The following CAPN10 variants were observed in gnomAD, a reference collection of about 807,000 sequenced individuals.
CAPN10 encodes the protein calpain 10, also known as calpain-10.
In CAPN10, 71 loss-of-function variants were observed where a neutral mutation model predicts 78.4. The ratio of observed to expected loss-of-function variants is 0.91; its 90% CI spans 0.75 to 1.10. The LOEUF (loss-of-function observed/expected upper bound fraction) is 1.10. CAPN10 is among the 50% of genes least tolerant of loss of function. CAPN10 has a pLI of 0.00. For missense variants in CAPN10, 849 were observed against 924.6 expected (o/e 0.92, Z 1.06); for synonymous variants, 437 against 407.2 (o/e 1.07, Z -0.88).
At chr2:240,589,228 C>A (rs1439311026) in intron 1 of CAPN10, 115 bp from the exon 2 acceptor site, 3 of 1,375,854 alleles carry the variant, frequency 2.2e-6, no homozygotes, top group Admixed American at 1.7e-5. Context: ...TTTTGGGTAA[C>A]ACTGATGATC....
chr2:240,593,176 G>A (rs1240349731), intron 4 of CAPN10, among the ~76,000 whole-genome samples: 1 of 152,212 alleles, frequency 6.6e-6, no homozygotes, highest in Non-Finnish European at 1.5e-5. Context: ...TTGGTTTTGG[G>A]TGCTCCAGGG....
At chr2:240,597,684 CG>C (rs1393291711) in intron 9 of CAPN10, among the ~76,000 whole-genome samples, 1 of 152,214 alleles carries the variant, frequency 6.6e-6, no homozygotes, top group African/African-American at 2.4e-5. Flanking sequence ...GGCCTCCAGG[CG>C]GGGGCCCCAC....
rs752153356 is a variant in CAPN10, at chr2:240,598,633, C to T, written c.1990-18C>T. The T allele has an allele frequency of 6.4e-7, 1 of 1,573,164 alleles. No homozygotes were observed. Among genetic ancestry groups the T allele is most frequent in the Non-Finnish European group, 8.6e-7 (1 of 1,159,546 alleles). On this transcript the variant is annotated intron_variant, in intron 11 of 11. Transcript: ENST00000391984. ...GGCGAGTGCCACCGCTGCCCGGGCC[C>T]CCCATCTGTCTTTGCAGGTCTCCAT...
intron 5 of CAPN10, 122 bp downstream of exon 5, chr2:240,594,169 G>C: frequency 9.4e-7 from 1 of 1,065,418 alleles, no homozygotes; most frequent in Non-Finnish European, 1.3e-6. Flanking sequence ...AGGCCCCTGA[G>C]TCCCTGCTCT....
intron 10 of CAPN10, 127 bp from the exon 11 acceptor site, chr2:240,598,225 C>T (rs989667612): frequency 7.1e-7 from 1 of 1,406,324 alleles, no homozygotes; most frequent in East Asian, 2.3e-5. Flanking sequence ...GCTGTCCTGC[C>T]TACCTGGGGA....
intron 1 of CAPN10, among the ~76,000 whole-genome samples, chr2:240,587,908 G>C (rs966992761): frequency 6.6e-6 from 1 of 152,194 alleles, no homozygotes; most frequent in Non-Finnish European, 1.5e-5. Context: ...CTTGCTGCTG[G>C]GTGGGAAGTG....
At chr2:240,596,586 G>A in intron 8 of CAPN10, 65 bp downstream of exon 8, 1 of 1,542,434 alleles carries the variant, frequency 6.5e-7, no homozygotes, top group Non-Finnish European at 8.8e-7. Context: ...GCAGGATTTG[G>A]GCACTTTCCC....
chr2:240,590,713 T>C (rs1401478956), intron 2 of CAPN10, 102 bp from the exon 3 acceptor site: 1 of 1,032,020 alleles, frequency 9.7e-7, no homozygotes, highest in Admixed American at 2.2e-5. Context: ...CCGCGGTGCC[T>C]GTGGAGCACT....
intron 4 of CAPN10, chr2:240,592,380 C>G: frequency 1.4e-6 from 1 of 693,964 alleles, no homozygotes; most frequent in East Asian, 2.7e-5. Context: ...TCCACTAGTG[C>G]GAGGCAGGAA....
At position 240,592,026 on chromosome 2, in the gene CAPN10, G is replaced by A. The variant is rs199803584; in HGVS notation, c.564G>A (p.Lys188=). The A allele has an allele frequency of 1.9e-6, 3 of 1,613,038 alleles. No individual in the cohort carries two copies. Among genetic ancestry groups the A allele is most frequent in the Non-Finnish European group, 8.5e-7 (1 of 1,179,942 alleles). ...TGGLAERWNL[K]GVAGSGGQQD... ...GCCTGGCAGAAAGATGGAACCTGAA[G>A]GGCGTAGCAGGAAGCGGAGGCCAGC... Residue 188 remains lysine (K), a synonymous_variant, in exon 4 of 12, where the codon AAG becomes AAA. Coordinates refer to ENST00000391984, the MANE Select transcript of CAPN10 (RefSeq NM_023083.4).
At position 240,591,009 on chromosome 2, in the gene CAPN10, C is replaced by G. The variant is rs1489564277; in HGVS notation, c.468C>G (p.Ala156=). ...FWLPLLEKVY[A]KVHGSYEHLW... is the part of the protein sequence containing the mutation. ...TCCCCTTACTGGAAAAGGTCTACGC[C>G]AAGTGCGTGTGCTGGGGGCTGAAGG... The change falls in exon 3 of 12, where the codon GCC becomes GCG. Residue 156 remains alanine (A), a splice_region_variant and synonymous_variant. Transcript: ENST00000391984. The G allele has an allele frequency of 1.2e-6, 2 of 1,613,424 alleles. No individual in the cohort carries two copies. Among genetic ancestry groups the G allele is most frequent in the Non-Finnish European group, 1.7e-6 (2 of 1,179,558 alleles).
rs780165677 is a variant in CAPN10 at position 240,595,210 on chromosome 2, G to A, written c.1184G>A (p.Arg395Gln). The change falls in exon 7 of 12, where the codon CGG becomes CAG. Residue 395 changes from arginine to glutamine, a missense_variant. Physicochemically the swap from Arg to Gln is conservative, Grantham distance 43. Coordinates refer to ENST00000391984, the MANE Select transcript of CAPN10 (RefSeq NM_023083.4). ...SRLHAADWAG[R>Q]ARALVGDSHT... ...CTGCACGCGGCGGACTGGGCAGGCC[G>A]GGCCCGGGCACTGGTGGGTGACAGT... 23 of 1,613,564 alleles carry A rather than the reference G, an allele frequency of 1.4e-5. No individual in the cohort carries two copies. The highest frequency in any genetic ancestry group is 1.8e-5 in the Non-Finnish European group (21 of 1,180,014).
At position 240,587,126 on chromosome 2, in the gene CAPN10, G is replaced by T; in HGVS notation, c.141+74G>T. On this transcript the variant is annotated intron_variant, in intron 1 of 11. Transcript: ENST00000391984. Reference sequence around the variant, plus strand: ...TCCGCTCCTCGCAGGGAGCGGGGCGGGGTGGGCGGCCAGGGTAGCTCCGAA... The same window carrying T: ...TCCGCTCCTCGCAGGGAGCGGGGCGTGGTGGGCGGCCAGGGTAGCTCCGAA... 3 of 1,027,012 alleles carry T rather than the reference G, an allele frequency of 2.9e-6. No homozygotes were observed. The South Asian group carries it at 7.2e-5, about 25-fold the overall frequency. The allele number at this position is 1,027,012 out of a possible 1,614,324, so 63.6% of individuals were successfully genotyped here.
intron 6 of CAPN10, 112 bp from the exon 7 acceptor site, chr2:240,594,912 T>C: frequency 9.7e-7 from 1 of 1,035,968 alleles, no homozygotes; most frequent in East Asian, 3.5e-5. Context: ...GGGCTGGCTC[T>C]GTCTGTGGCC....
chr2:240,589,510 G>A (rs55893551), intron 2 of CAPN10, 36 bp downstream of exon 2: 250,024 of 1,575,508 alleles, frequency 0.16, 21,024 homozygotes, highest in South Asian at 0.19. Context: ...TCCTGGAGCC[G>A]GTTTCTTTTT....
In CAPN10 at chr2:240,589,441, C is replaced by G; in HGVS notation, c.240C>G (p.Ala80=). The G allele has an allele frequency of 1.9e-6, 3 of 1,613,832 alleles. No individual in the cohort carries two copies. The highest frequency in any genetic ancestry group is 2.2e-5 in the East Asian group (1 of 44,882). Residue 80 remains alanine, a synonymous_variant, in exon 2 of 12, where the codon GCC becomes GCG. Transcript: ENST00000391984. ...LGDCWFLCAC[A]ALQKSRHLLD... ...ATTGCTGGTTCCTGTGTGCCTGCGC[C>G]GCGCTGCAGAAGAGCAGGCACCTCC...
At chr2:240,596,206 G>T (rs1408719618) in intron 7 of CAPN10, 113 bp from the exon 8 acceptor site, 2 of 1,474,912 alleles carry the variant, frequency 1.4e-6, no homozygotes, top group African/African-American at 1.4e-5. Context: ...GACAGGCCTT[G>T]GCGCTTTCAT....
At chr2:240,588,803 C>G (rs895291455) in intron 1 of CAPN10, among the ~76,000 whole-genome samples, 4 of 151,952 alleles carry the variant, frequency 2.6e-5, no homozygotes, top group Non-Finnish European at 5.9e-5. Flanking sequence ...GGATTCTGCC[C>G]GGGGAGCTGG....
rs932342960 is a variant in CAPN10 at position 240,594,677 on chromosome 2, C to T, written c.965C>T (p.Thr322Met). ...GAGCTCACCGTTGGCTACCCGGTCA[C>T]GGAGGCCGGCCACCTGCAGAGCCTC... ...FDELTVGYPV[T>M]EAGHLQSLYT... The change falls in exon 6 of 12, where the codon ACG (threonine) becomes ATG (methionine). Residue 322 changes from threonine to methionine, a missense_variant. By Grantham distance (81) the Thr-to-Met change is moderately conservative. Coordinates refer to ENST00000391984, the MANE Select transcript of CAPN10 (RefSeq NM_023083.4). 1.5e-5 allele frequency: 24 copies of T among 1,612,960 alleles called. No individual in the cohort carries two copies. The African/African-American group carries it at 2.8e-4, about 19-fold the overall frequency.
Sources: allele counts gnomAD v4.1 joint callset (sites outside exome capture counted in the v4.1 genomes callset), GRCh38; gene constraint gnomAD v4.1.1; transcripts MANE v1.5; gene names NCBI Gene and HGNC (gene_info 2026-07-23, HGNC 2026-07-21).